NCOR2: variants seen among roughly 807,000 people sequenced by gnomAD.
The protein encoded by NCOR2 is nuclear receptor corepressor 2, also known as CTG repeat protein 26.
In NCOR2, 81 loss-of-function variants were observed where a neutral mutation model predicts 262.9. The ratio of observed to expected loss-of-function variants is 0.31; its 90% CI spans 0.26 to 0.37. The LOEUF is 0.37. Among genes scored for constraint, NCOR2 ranks in the 10% least tolerant of loss-of-function variants. The probability of loss-of-function intolerance (pLI) is 1.00; values close to 1 mark genes in which losing one functional copy is unlikely to be tolerated. For synonymous variants in NCOR2, 1,659 were observed against 1,559.3 expected (o/e 1.06, Z -1.51); for missense variants, 3,385 against 3,621.4 (o/e 0.93, Z 1.68).
Position 124,348,210 on chromosome 12 carries a change from G to T in NCOR2, c.3949C>A (p.Arg1317Ser), listed in dbSNP as rs963241705. 1.9e-6 allele frequency: 3 copies of T among 1,612,424 alleles called. No homozygotes were observed. The Admixed American group carries it at 5.0e-5, about 27-fold the overall frequency. ...GCTGAGGAGATGGCTCTGCCCACGC[G>T]GCCCTCCATCATGTCATAGGTGCGC... Residue 1317 changes from arginine (R) to serine (S), a missense_variant, in exon 29 of 47, where the codon CGC (arginine) becomes AGC (serine). This residue lies in a region of NCOR2 where 1,615 missense variants were observed against 1,626.9 expected (regional missense o/e 0.99). Transcript: ENST00000405201.
chr12:124,511,368 A>G (rs1261703901), intron 1 of NCOR2, among the ~76,000 whole-genome samples: 2 of 152,236 alleles, frequency 1.3e-5, no homozygotes, highest in African/African-American at 4.8e-5. Context: ...CGTCAGTGCC[A>G]CTAAGGAGCT....
intron 8 of NCOR2, among the ~76,000 whole-genome samples, chr12:124,433,845 TACACACACACACACAC>T (rs1204258133): frequency 3.8e-3 from 70 of 18,280 alleles, no homozygotes; most frequent in East Asian, 8.3e-3. Flanking sequence ...CTCTCTGTCT[TACACACACACACACAC>T]ACACACACAC....
At chr12:124,362,228 G>A in exon 22 of NCOR2, 1 of 1,312,138 alleles carries the variant, frequency 7.6e-7, no homozygotes, top group Non-Finnish European at 9.7e-7. Context: ...TGCGGTGGCG[G>A]TGGGGCTGGG....
At chr12:124,390,919 C>G (rs563692048) in intron 16 of NCOR2, among the ~76,000 whole-genome samples, 1 of 152,252 alleles carries the variant, frequency 6.6e-6, no homozygotes, top group East Asian at 1.9e-4. Flanking sequence ...TCACAGACGC[C>G]GAGTGGAGAG....
chr12:124,359,598 G>A (rs981813317), intron 22 of NCOR2, among the ~76,000 whole-genome samples: 15 of 152,220 alleles, frequency 9.9e-5, no homozygotes, highest in South Asian at 4.1e-4. Context: ...TCCTGCAAAC[G>A]CCCTGGACCT....
intron 13 of NCOR2, among the ~76,000 whole-genome samples, chr12:124,415,262 G>T (rs2042795459): frequency 6.6e-6 from 1 of 152,226 alleles, no homozygotes; most frequent in East Asian, 1.9e-4. Context: ...AAGCAGCGGT[G>T]CTGGGCCCAC....
chr12:124,466,435 C>G (rs1271805559), intron 4 of NCOR2, 149 bp from the exon 7 acceptor site: 2 of 653,152 alleles, frequency 3.1e-6, no homozygotes, highest in Admixed American at 6.6e-5. Flanking sequence ...TGAGTCACCC[C>G]AGGGACTCCG....
Position 124,416,645 on chromosome 12 carries a change from G to A in NCOR2, c.1482+3312C>T, listed in dbSNP as rs146517564. ...GAGTCCCCGCGGCACAGATAGACCC[G>A]TGGCACAGGGAGACCCCACAGCACA... is the stretch of plus-strand genomic sequence containing the variant. On this transcript the variant is annotated intron_variant, in intron 13 of 46. Coordinates refer to ENST00000405201, the Ensembl canonical transcript of NCOR2. Among the ~76,000 whole-genome samples the A allele has an allele frequency of 1.6e-3, 216 of 137,994 alleles. 5 individuals carry two copies. The East Asian group carries it at 0.046, about 29-fold the overall frequency. The allele number at this position is 137,994 out of a possible 152,430, so 90.5% of individuals were successfully genotyped here.
At chr12:124,473,211 G>A in intron 3 of NCOR2, 80 bp from the exon 6 acceptor site, 1 of 1,506,562 alleles carries the variant, frequency 6.6e-7, no homozygotes, top group South Asian at 1.2e-5. Context: ...GGTTAATACT[G>A]TCAACCTGAT....
intron 7 of NCOR2, among the ~76,000 whole-genome samples, chr12:124,439,277 A>C (rs2044653359): frequency 8.8e-6 from 1 of 113,472 alleles, no homozygotes; most frequent in Non-Finnish European, 2.0e-5. Context: ...ACCCTGAGAC[A>C]GAGGGAGAGA....
At chr12:124,335,925 C>T (rs1348838169) in intron 38 of NCOR2, 7 of 401,918 alleles carry the variant, frequency 1.7e-5, no homozygotes, top group East Asian at 7.8e-5. Context: ...TGGTGGAGGC[C>T]GGGCGAGGCC....
chr12:124,434,273 G>GC (rs1211798146), intron 8 of NCOR2, among the ~76,000 whole-genome samples: 1 of 152,114 alleles, frequency 6.6e-6, no homozygotes, highest in African/African-American at 2.4e-5. Flanking sequence ...TCTCGGCCAA[G>GC]CCCCCCTCCC....
intron 4 of NCOR2, among the ~76,000 whole-genome samples, chr12:124,466,659 T>G (rs2046432553): frequency 6.6e-6 from 1 of 152,018 alleles, no homozygotes; most frequent in African/African-American, 2.4e-5. Context: ...GCAGGCACAG[T>G]CAGGCCTGCT....
Position 124,454,143 on chromosome 12 carries a change from C to T in NCOR2, c.762+2963G>A, listed in dbSNP as rs542491064. Among the ~76,000 whole-genome samples, 1 of 152,232 alleles carries T rather than the reference C, an allele frequency of 6.6e-6. No homozygotes were observed. Among genetic ancestry groups the T allele is most frequent in the East Asian group, 1.9e-4 (1 of 5,168 alleles). On this transcript the variant is annotated intron_variant, in intron 6 of 46. Coordinates refer to ENST00000405201, the Ensembl canonical transcript of NCOR2. This position sits in a 1 kb window ranked among gnomAD's most constrained non-coding sequence, Gnocchi z 5.6. Reference sequence around the variant, plus strand: ...CCTGGCAGATCTGTGCAGAACTGGCCGGCCGCTCTCCCAGGGGCTCAGCAC... The same window carrying T: ...CCTGGCAGATCTGTGCAGAACTGGCTGGCCGCTCTCCCAGGGGCTCAGCAC...
Position 124,334,534 on chromosome 12 carries a change from C to T in NCOR2, c.6495G>A (p.Gly2165=), listed in dbSNP as rs763663242. 3.5e-5 allele frequency: 50 copies of T among 1,431,146 alleles called. No homozygotes were observed. The Middle Eastern group carries it at 6.8e-4, about 19-fold the overall frequency. 88.7% of individuals were successfully genotyped at this position (1,431,146 alleles called of 1,614,324 possible). A position where few individuals can be genotyped will look rare whatever the true frequency, so the allele number is the denominator to read the frequency against. Reference sequence around the variant, plus strand: ...GGAGGTCCAGGACGGGGCAGCTGGCCCCAGGGAAGGAGTAGAGGGGGGCGG... The same window carrying T: ...GGAGGTCCAGGACGGGGCAGCTGGCTCCAGGGAAGGAGTAGAGGGGGGCGG... The change falls in exon 41 of 47, where the codon GGG becomes GGA. Residue 2165 remains glycine (G), a synonymous_variant. Coordinates refer to ENST00000405201, the Ensembl canonical transcript of NCOR2.
intron 17 of NCOR2, chr12:124,383,636 C>T (rs1593303537): frequency 9.9e-6 from 2 of 202,292 alleles, no homozygotes; most frequent in Non-Finnish European, 9.8e-6. Flanking sequence ...TAGGGCACGT[C>T]GCCCTCCCGG....
At chr12:124,330,074 G>A (rs2035056015) in intron 44 of NCOR2, among the ~76,000 whole-genome samples, 1 of 152,186 alleles carries the variant, frequency 6.6e-6, no homozygotes, top group Non-Finnish European at 1.5e-5. Flanking sequence ...GCCCAGGAAT[G>A]TTCCCCAGGG....
intron 4 of NCOR2, among the ~76,000 whole-genome samples, chr12:124,472,281 T>C (rs547670796): frequency 1.2e-4 from 18 of 152,386 alleles, no homozygotes; most frequent in African/African-American, 4.1e-4. Flanking sequence ...TAAATATTTA[T>C]ATCAGCTTTT....
chr12:124,330,933 G>A, intron 43 of NCOR2, 35 bp from the exon 46 acceptor site: 1 of 1,563,230 alleles, frequency 6.4e-7, no homozygotes, highest in South Asian at 1.2e-5. Flanking sequence ...GAGGCCCCCA[G>A]GTCTCTGGGA....
Sources: gnomAD v4.1 joint callset for allele counts (sites outside exome capture counted in the v4.1 genomes callset) on GRCh38, gnomAD v4.1.1 for gene constraint, gnomAD v4.1.1 regional missense constraint, Gnocchi (gnomAD v3.1) non-coding constraint, MANE v1.5 for transcripts, NCBI Gene and HGNC (gene_info 2026-07-23, HGNC 2026-07-21) for gene names.